MYZAP: variants seen among roughly 807,000 people sequenced by gnomAD.
MYZAP encodes the protein GRINL1A complex locus upstream.
In MYZAP, 66 loss-of-function variants were observed where a neutral mutation model predicts 69.4. That is an observed-to-expected ratio of 0.95 (90% CI 0.78 to 1.17). MYZAP has a LOEUF of 1.17. Ranked by LOEUF, MYZAP falls within the 50% of genes most tolerant of loss-of-function variation. MYZAP has a pLI of 0.00. For synonymous variants in MYZAP, 256 were observed against 205.9 expected, an observed-to-expected ratio of 1.24 and a Z score of -2.09; for missense variants, 611 against 556.2, an observed-to-expected ratio of 1.10 and a Z score of -0.99.
At chr15:57,684,003 A>G (rs2039565705) in intron 12 of MYZAP, among the ~76,000 whole-genome samples, 1 of 152,164 alleles carries the variant, frequency 6.6e-6, no homozygotes, top group Non-Finnish European at 1.5e-5. Flanking sequence ...CATGTTGGTC[A>G]GGCTGGTCAC....
intron 11 of MYZAP, among the ~76,000 whole-genome samples, chr15:57,672,979 G>T (rs1348699061): frequency 2.0e-5 from 3 of 152,062 alleles, no homozygotes; most frequent in African/African-American, 7.2e-5. Context: ...AGCTCCTCAA[G>T]GGTTGCAAAT....
chr15:57,647,702 G>A (rs909390595), intron 10 of MYZAP: 4 of 985,272 alleles, frequency 4.1e-6, no homozygotes, highest in Non-Finnish European at 4.8e-6. Context: ...GCCTGAGAGT[G>A]CCTCCTAAGT....
chr15:57,648,254 G>T lies in MYZAP; in HGVS notation c.1119+8709G>T, dbSNP rs1016695141. 9 of 985,102 alleles carry T rather than the reference G, an allele frequency of 9.1e-6. No homozygotes were observed. In the African/African-American group the frequency reaches 1.2e-4, roughly 13 times the overall value. The allele number at this position is 985,102 out of a possible 1,614,324, so 61.0% of individuals were successfully genotyped here. A position where few individuals can be genotyped will look rare whatever the true frequency, so the allele number is the denominator to read the frequency against. Reference sequence around the variant, plus strand: ...GCAGGTTCATTCTATGACAGGTATTGGTTTCGGTATTCACAATATAAATTG... The same window carrying T: ...GCAGGTTCATTCTATGACAGGTATTTGTTTCGGTATTCACAATATAAATTG... On this transcript the variant is annotated intron_variant, in intron 10 of 12. Coordinates refer to ENST00000267853, the MANE Select transcript of MYZAP (RefSeq NM_001018100.5).
At chr15:57,608,926 G>A (rs1466691135) in intron 2 of MYZAP, among the ~76,000 whole-genome samples, 3 of 152,110 alleles carry the variant, frequency 2.0e-5, no homozygotes, top group Non-Finnish European at 4.4e-5. Context: ...CCCTGTCCTT[G>A]AAGGCTCAGC....
intron 2 of MYZAP, among the ~76,000 whole-genome samples, chr15:57,604,636 C>T (rs1382404807): frequency 6.6e-6 from 1 of 152,202 alleles, no homozygotes; most frequent in Non-Finnish European, 1.5e-5. Context: ...GTGACAGGTG[C>T]TGTGGCGGGG....
intron 3 of MYZAP, among the ~76,000 whole-genome samples, chr15:57,619,336 CAT>C (rs1223679315): frequency 1.2e-4 from 18 of 152,304 alleles, no homozygotes; most frequent in African/African-American, 4.1e-4. Context: ...ACCTTTCAAA[CAT>C]AATTTTAAAA....
At chr15:57,679,590 T>C (rs1164606420) in intron 12 of MYZAP, among the ~76,000 whole-genome samples, 2 of 152,138 alleles carry the variant, frequency 1.3e-5, no homozygotes, top group Admixed American at 1.3e-4. Context: ...GCCTATTTCC[T>C]ACCCTTGCAG....
At chr15:57,640,485 T>A (rs1168475134) in intron 10 of MYZAP, among the ~76,000 whole-genome samples, 1 of 152,238 alleles carries the variant, frequency 6.6e-6, no homozygotes, top group Non-Finnish European at 1.5e-5. Flanking sequence ...CACATTTTCC[T>A]TATATTAAGT....
At chr15:57,666,436 G>A (rs770381833) in intron 11 of MYZAP, among the ~76,000 whole-genome samples, 3 of 151,984 alleles carry the variant, frequency 2.0e-5, no homozygotes, top group African/African-American at 2.4e-5. Context: ...TTAGTCCCTG[G>A]ATTCATCATT....
At chr15:57,594,941 T>A in intron 1 of MYZAP, among the ~76,000 whole-genome samples, 1 of 152,240 alleles carries the variant, frequency 6.6e-6, no homozygotes, top group East Asian at 1.9e-4. Flanking sequence ...CTTGAACATG[T>A]TATCCATTAA....
intron 4 of MYZAP, among the ~76,000 whole-genome samples, chr15:57,625,294 G>C (rs553875220): frequency 1.3e-5 from 2 of 152,080 alleles, no homozygotes; most frequent in Admixed American, 1.3e-4. Context: ...GGCTGGTCTC[G>C]AACTCTTGAC....
At chr15:57,630,211 G>T (rs146474099) in intron 6 of MYZAP, among the ~76,000 whole-genome samples, 1 of 152,206 alleles carries the variant, frequency 6.6e-6, no homozygotes, top group African/African-American at 2.4e-5. Context: ...CAGGTGATCC[G>T]CCTGCCTTGG....
At chr15:57,606,893 A>T (rs2034785664) in intron 2 of MYZAP, among the ~76,000 whole-genome samples, 1 of 152,196 alleles carries the variant, frequency 6.6e-6, no homozygotes, top group Non-Finnish European at 1.5e-5. Context: ...AACATTCTCC[A>T]CAGACAAAGT....
At chr15:57,623,470 C>T (rs1398431870) in intron 4 of MYZAP, among the ~76,000 whole-genome samples, 1 of 152,112 alleles carries the variant, frequency 6.6e-6, no homozygotes, top group Non-Finnish European at 1.5e-5. Flanking sequence ...CGGTGGCTCA[C>T]GCTTATGATC....
chr15:57,621,720 G>A lies in MYZAP; in HGVS notation c.411+20G>A. The A allele has an allele frequency of 6.2e-7, 1 of 1,611,744 alleles. No individual in the cohort carries two copies. The highest frequency in any genetic ancestry group is 8.5e-7 in the Non-Finnish European group (1 of 1,178,274). The stretch of plus-strand genomic sequence containing the variant: ...CTATCAGTAAGTCATTATCTCAGTT[G>A]CTTGGAGATAGGGAGGCATGGCAGG... On this transcript the variant is annotated intron_variant, in intron 4 of 12. Coordinates refer to ENST00000267853, the MANE Select transcript of MYZAP (RefSeq NM_001018100.5).
At chr15:57,607,287 G>A (rs2034814899) in intron 2 of MYZAP, among the ~76,000 whole-genome samples, 1 of 152,140 alleles carries the variant, frequency 6.6e-6, no homozygotes, top group Non-Finnish European at 1.5e-5. Flanking sequence ...CAAAACTGGG[G>A]TGGTAGGGGC....
intron 11 of MYZAP, among the ~76,000 whole-genome samples, chr15:57,668,894 A>ATATATTTTT (rs1252525814): frequency 3.8e-4 from 24 of 62,600 alleles, no homozygotes; most frequent in African/African-American, 7.9e-4. Context: ...ATATATATAT[A>ATATATTTTT]TTTTTTTTTT....
intron 2 of MYZAP, among the ~76,000 whole-genome samples, chr15:57,612,422 A>G (rs1204477955): frequency 6.6e-6 from 1 of 151,940 alleles, no homozygotes. Context: ...TGACCAAGGG[A>G]TTTTCTTTTT....
intron 4 of MYZAP, among the ~76,000 whole-genome samples, chr15:57,625,200 C>T (rs2036057085): frequency 6.6e-6 from 1 of 152,030 alleles, no homozygotes; most frequent in Non-Finnish European, 1.5e-5. Context: ...CAGCCTTCCA[C>T]GAAGCTGGGA....
Sources: gnomAD v4.1 joint callset for allele counts (sites outside exome capture counted in the v4.1 genomes callset) on GRCh38, gnomAD v4.1.1 for gene constraint, MANE v1.5 for transcripts, NCBI Gene and HGNC (gene_info 2026-07-23, HGNC 2026-07-21) for gene names.